FAM117A: variants seen among roughly 807,000 people sequenced by gnomAD.
The protein encoded by FAM117A is family with sequence similarity 117 member A.
Under a neutral mutation model 44.1 loss-of-function variants are expected in FAM117A, and 21 were observed. The ratio of observed to expected loss-of-function variants is 0.48; its 90% CI spans 0.34 to 0.69. The LOEUF (loss-of-function observed/expected upper bound fraction) is 0.69. FAM117A is among the 30% of genes least tolerant of loss of function. The pLI is 0.01. For missense variants in FAM117A, 498 were observed against 589.9 expected (o/e 0.84, Z 1.61); for synonymous variants, 220 against 238.3 (o/e 0.92, Z 0.71).
intron 1 of FAM117A, among the ~76,000 whole-genome samples, chr17:49,745,013 C>CAAAAAA (rs34358343): frequency 9.7e-5 from 7 of 71,932 alleles, no homozygotes; most frequent in African/African-American, 1.3e-4. Context: ...GACTCTGTCT[C>CAAAAAA]AAAAAAAAAA....
chr17:49,750,162 C>T (rs1357302555), intron 1 of FAM117A, among the ~76,000 whole-genome samples: 1 of 148,812 alleles, frequency 6.7e-6, no homozygotes, highest in Non-Finnish European at 1.5e-5. Flanking sequence ...TACACAGATT[C>T]GCCTATTAAC....
chr17:49,738,984 T>G (rs1438218347), intron 1 of FAM117A, among the ~76,000 whole-genome samples: 1 of 151,874 alleles, frequency 6.6e-6, no homozygotes, highest in African/African-American at 2.4e-5. Flanking sequence ...CAATGACATG[T>G]CTCGTGCCAC....
intron 4 of FAM117A, 88 bp from the exon 5 acceptor site, chr17:49,719,982 A>G: frequency 6.8e-7 from 1 of 1,481,228 alleles, no homozygotes; most frequent in South Asian, 1.3e-5. Flanking sequence ...GGTCATGTCC[A>G]CACAGCAGAA....
chr17:49,760,665 A>G (rs1231963619), intron 1 of FAM117A, among the ~76,000 whole-genome samples: 1 of 152,170 alleles, frequency 6.6e-6, no homozygotes, highest in Non-Finnish European at 1.5e-5. Context: ...GCAAACCTAG[A>G]TGAAACATTA....
intron 1 of FAM117A, among the ~76,000 whole-genome samples, chr17:49,783,348 G>A (rs917437279): frequency 2.0e-5 from 3 of 152,148 alleles, no homozygotes; most frequent in Non-Finnish European, 2.9e-5. Flanking sequence ...AGTGGAGGAA[G>A]GGGGGGAGAT....
chr17:49,722,659 CTG>C (rs2073540709), intron 2 of FAM117A, 65 bp from the exon 3 acceptor site: 4 of 1,351,998 alleles, frequency 3.0e-6, no homozygotes, highest in Non-Finnish European at 4.2e-6. Flanking sequence ...AACAGGCACA[CTG>C]TTTTCTGGGT....
At chr17:49,720,214 C>A in intron 4 of FAM117A, 112 bp downstream of exon 4, 1 of 835,594 alleles carries the variant, frequency 1.2e-6, no homozygotes, top group Non-Finnish European at 1.9e-6. Flanking sequence ...CTTCACAAAG[C>A]ATGCAGTGTG....
At chr17:49,752,110 T>C (rs1415038199) in intron 1 of FAM117A, among the ~76,000 whole-genome samples, 5 of 152,214 alleles carry the variant, frequency 3.3e-5, no homozygotes, top group East Asian at 1.9e-4. Flanking sequence ...AAAAATTCTA[T>C]ACAGAGTATG....
rs577936942 is a variant in FAM117A at position 49,725,874 on chromosome 17, G to A, written c.367-3280C>T. Reference sequence around the variant, plus strand: ...GTCCTTAAATAAGAAAGAGGCAGAGGGAGATTAGATGTATGCACACTGAAG... The same window carrying A: ...GTCCTTAAATAAGAAAGAGGCAGAGAGAGATTAGATGTATGCACACTGAAG... On this transcript the variant is annotated intron_variant, in intron 2 of 7. Coordinates refer to ENST00000240364, the MANE Select transcript of FAM117A (RefSeq NM_030802.4). Among the ~76,000 whole-genome samples the A allele has an allele frequency of 2.6e-5, 4 of 152,306 alleles. No individual in the cohort carries two copies. The South Asian group carries it at 6.2e-4, about 24-fold the overall frequency.
At chr17:49,756,597 A>G (rs538979716) in intron 1 of FAM117A, among the ~76,000 whole-genome samples, 2 of 151,540 alleles carry the variant, frequency 1.3e-5, no homozygotes, top group South Asian at 4.2e-4. Context: ...TGATGAAGCA[A>G]GACCCCATCT....
At chr17:49,783,891 T>A (rs2073797512) in intron 1 of FAM117A, among the ~76,000 whole-genome samples, 2 of 152,216 alleles carry the variant, frequency 1.3e-5, no homozygotes, top group Non-Finnish European at 2.9e-5. Context: ...ACTAGCCACC[T>A]CACTGGTCAG....
chr17:49,714,519 G>A (rs922810955), intron 7 of FAM117A, among the ~76,000 whole-genome samples: 5 of 151,574 alleles, frequency 3.3e-5, no homozygotes, highest in Admixed American at 6.6e-5. Context: ...TGTATTTTTA[G>A]TAGAGGCTGG....
intron 1 of FAM117A, among the ~76,000 whole-genome samples, chr17:49,753,783 C>G (rs185086915): frequency 1.3e-3 from 198 of 152,228 alleles, no homozygotes; most frequent in African/African-American, 4.6e-3. Context: ...GACTCTGTCT[C>G]AAAAACAAAC....
chr17:49,747,115 C>CTATT (rs1243993679), intron 1 of FAM117A: 1 of 151,446 alleles, frequency 6.6e-6, no homozygotes, highest in Non-Finnish European at 1.5e-5. Context: ...AGAACCCATG[C>CTATT]TATTACTTGG....
At position 49,732,560 on chromosome 17, in the gene FAM117A, C is replaced by T. The variant is rs764034170; in HGVS notation, c.357G>A (p.Lys119=). 3 of 1,614,128 alleles carry T rather than the reference C, an allele frequency of 1.9e-6. No individual in the cohort carries two copies. Among genetic ancestry groups the T allele is most frequent in the Non-Finnish European group, 2.5e-6 (3 of 1,180,010 alleles). ...DGAFTCCTND[K]ATQTPLSWQE... is the part of the protein sequence containing the mutation. Reference sequence around the variant, plus strand: ...GAGAGAGCTTCATTACCTGGGTGGCCTTGTCATTGGTGCAGCAGGTGAAGG... The same window carrying T: ...GAGAGAGCTTCATTACCTGGGTGGCTTTGTCATTGGTGCAGCAGGTGAAGG... Residue 119 remains lysine, a synonymous_variant, in exon 2 of 8, where the codon AAG becomes AAA. Transcript: ENST00000240364.
intron 1 of FAM117A, among the ~76,000 whole-genome samples, chr17:49,734,415 ACC>A (rs1248445767): frequency 1.3e-5 from 2 of 150,466 alleles, no homozygotes; most frequent in Non-Finnish European, 3.0e-5. Context: ...ACACAGTGAA[ACC>A]CCGTCTCTAA....
intron 2 of FAM117A, among the ~76,000 whole-genome samples, chr17:49,723,719 G>A (rs1237773505): frequency 6.6e-6 from 1 of 152,116 alleles, no homozygotes; most frequent in Admixed American, 6.5e-5. Flanking sequence ...GGAGCTCGGC[G>A]GGGGAGTCTG....
intron 1 of FAM117A, among the ~76,000 whole-genome samples, chr17:49,752,260 G>A (rs2073680648): frequency 6.6e-6 from 1 of 152,188 alleles, no homozygotes; most frequent in Non-Finnish European, 1.5e-5. Flanking sequence ...CTGGGCACAT[G>A]CCTGTCTCGG....
chr17:49,766,889 G>A (rs1488054246), upstream of FAM117A, among the ~76,000 whole-genome samples: 11 of 152,158 alleles, frequency 7.2e-5, no homozygotes, highest in Admixed American at 7.2e-4. Flanking sequence ...TGGTTCCATG[G>A]ATACTGTGTT....
Sources: gnomAD v4.1 joint callset for allele counts (sites outside exome capture counted in the v4.1 genomes callset) on GRCh38, gnomAD v4.1.1 for gene constraint, MANE v1.5 for transcripts, NCBI Gene and HGNC (gene_info 2026-07-23, HGNC 2026-07-21) for gene names.